The following SH3KBP1 variants were observed in gnomAD, a reference collection of about 807,000 sequenced individuals.
SH3KBP1 encodes SH3 domain containing kinase binding protein 1.
SH3KBP1 carries 8 observed loss-of-function variants against 50.1 expected under a neutral mutation model. The observed-to-expected ratio is 0.16, with a 90% confidence interval of 0.09 to 0.29. The LOEUF (loss-of-function observed/expected upper bound fraction) is 0.29. Ranked by LOEUF, SH3KBP1 falls within the 10% of genes least tolerant of loss-of-function variation. The pLI is 1.00. For missense variants in SH3KBP1, 377 were observed against 535.2 expected, an observed-to-expected ratio of 0.70 and a Z score of 2.92; for synonymous variants, 227 against 218.6, an observed-to-expected ratio of 1.04 and a Z score of -0.34.
intron 2 of SH3KBP1, among the ~76,000 whole-genome samples, chrX:19,833,591 C>T (rs1368426102): frequency 9.3e-6 from 1 of 107,988 alleles, no homozygotes; most frequent in Non-Finnish European, 1.9e-5. Flanking sequence ...CTAGGGTCCT[C>T]CTCCCTCTTT....
chrX:19,859,452 A>G, intron 1 of SH3KBP1, among the ~76,000 whole-genome samples: 1 of 112,246 alleles, frequency 8.9e-6, no homozygotes, highest in Non-Finnish European at 1.9e-5. Context: ...CCAGCCTGAA[A>G]TTACTATTTC....
At chrX:19,643,463 C>A (rs1198734766) in intron 7 of SH3KBP1, among the ~76,000 whole-genome samples, 2 of 107,139 alleles carry the variant, frequency 1.9e-5, no homozygotes, top group Admixed American at 1.0e-4. Context: ...TCTCAAACTC[C>A]TGGGCTCAAG....
intron 12 of SH3KBP1, among the ~76,000 whole-genome samples, chrX:19,570,507 T>C (rs1039192487): frequency 1.8e-5 from 2 of 111,350 alleles, no homozygotes; most frequent in Non-Finnish European, 3.8e-5. Flanking sequence ...CTGGGCCGGA[T>C]ACTACAGGGC....
intron 6 of SH3KBP1, among the ~76,000 whole-genome samples, chrX:19,647,007 T>A (rs1056949027): frequency 3.6e-5 from 4 of 112,332 alleles, no homozygotes; most frequent in African/African-American, 1.3e-4. Flanking sequence ...AAAACTGTTC[T>A]TAGAATTATT....
intron 2 of SH3KBP1, among the ~76,000 whole-genome samples, chrX:19,773,488 C>CACACAA (rs1274999326): frequency 1.4e-4 from 13 of 92,935 alleles, no homozygotes; most frequent in Non-Finnish European, 2.5e-4. Flanking sequence ...CTCTCTCACA[C>CACACAA]ACACAAACAC....
At chrX:19,654,541 A>G (rs2062223327) in intron 6 of SH3KBP1, among the ~76,000 whole-genome samples, 2 of 112,020 alleles carry the variant, frequency 1.8e-5, no homozygotes. Flanking sequence ...ATTTTGTTGT[A>G]GGATCATCTT....
chrX:19,814,203 C>T (rs1037018651), intron 2 of SH3KBP1, among the ~76,000 whole-genome samples: 1 of 111,057 alleles, frequency 9.0e-6, no homozygotes, highest in African/African-American at 3.3e-5. Context: ...GCTGTACTTA[C>T]AGAAATATCC....
rs2148861061 is a variant in SH3KBP1 at position 19,760,536 on chromosome X, ACCC to A, written c.163-14098_163-14096del. ...CAAGTGGGCACCGAGAATTGGACTC[ACCC>A]TGTAACCATGGTTACATGCATCTGG... On this transcript the variant is annotated intron_variant, in intron 2 of 17. Coordinates refer to ENST00000397821, the MANE Select transcript of SH3KBP1 (RefSeq NM_031892.3). 1.8e-5 allele frequency among the ~76,000 whole-genome samples: 2 copies of A among 108,656 alleles called. 1 individual carries two copies. The highest frequency in any genetic ancestry group is 8.4e-4 in the South Asian group (2 of 2,367). The allele number at this position is 108,656 out of a possible 115,157, so 94.4% of individuals were successfully genotyped here. A position where few individuals can be genotyped will look rare whatever the true frequency, so the allele number is the denominator to read the frequency against.
intron 2 of SH3KBP1, among the ~76,000 whole-genome samples, chrX:19,806,028 T>G (rs761729280): frequency 9.0e-6 from 1 of 111,198 alleles, no homozygotes; most frequent in Non-Finnish European, 1.9e-5. Context: ...TGGGAAGGTG[T>G]TTTTCTTCCC....
At chrX:19,769,354 T>A (rs2065717841) in intron 2 of SH3KBP1, among the ~76,000 whole-genome samples, 1 of 110,316 alleles carries the variant, frequency 9.1e-6, no homozygotes, top group South Asian at 3.8e-4. Flanking sequence ...TCCACCCAGT[T>A]TGGCCTCCCA....
At chrX:19,675,897 C>T (rs1435676976) in intron 6 of SH3KBP1, among the ~76,000 whole-genome samples, 2 of 111,892 alleles carry the variant, frequency 1.8e-5, no homozygotes, top group Non-Finnish European at 1.9e-5. Flanking sequence ...GTTTCCCTTT[C>T]CCTACCAACT....
At chrX:19,870,901 G>A (rs756841416) in intron 1 of SH3KBP1, among the ~76,000 whole-genome samples, 4 of 111,631 alleles carry the variant, frequency 3.6e-5, no homozygotes, top group East Asian at 2.8e-4. Flanking sequence ...GCACACCGCC[G>A]TGTCTCCTGT....
At chrX:19,709,928 T>A (rs1354016949) in intron 3 of SH3KBP1, among the ~76,000 whole-genome samples, 1 of 111,688 alleles carries the variant, frequency 9.0e-6, no homozygotes, top group Non-Finnish European at 1.9e-5. Context: ...GGTAAGGAGA[T>A]GACAATGCCA....
chrX:19,833,786 T>C (rs2067983956), intron 2 of SH3KBP1, among the ~76,000 whole-genome samples: 1 of 111,893 alleles, frequency 8.9e-6, no homozygotes, highest in African/African-American at 3.3e-5. Context: ...ATCTTCACTC[T>C]AACCACTGCC....
rs1345753978 is a variant in SH3KBP1, at chrX:19,574,782, C to T, written c.1299-5594G>A. ...TCAACGCTTTTTAAACAAAAAAATT[C>T]TTGCAGATCCCCATGTATATGTCTG... On this transcript the variant is annotated intron_variant, in intron 12 of 17. Coordinates refer to ENST00000397821, the MANE Select transcript of SH3KBP1 (RefSeq NM_031892.3). Among the ~76,000 whole-genome samples the T allele has an allele frequency of 2.7e-5, 3 of 112,287 alleles. No homozygotes were observed. In the Admixed American group the frequency reaches 2.8e-4, roughly 11 times the overall value.
At chrX:19,826,692 T>TAACAC (rs1188543053) in intron 2 of SH3KBP1, among the ~76,000 whole-genome samples, 1 of 71,630 alleles carries the variant, frequency 1.4e-5, no homozygotes, top group Non-Finnish European at 2.6e-5. Context: ...CTAAATAACA[T>TAACAC]AACATAACAT....
At chrX:19,609,232 C>T (rs1363221469) in intron 8 of SH3KBP1, among the ~76,000 whole-genome samples, 2 of 112,052 alleles carry the variant, frequency 1.8e-5, no homozygotes, top group East Asian at 2.8e-4. Flanking sequence ...TCCTCCGAGT[C>T]CAATTCCACT....
chrX:19,887,548 G>C lies in SH3KBP1; in HGVS notation c.-238C>G, dbSNP rs1348220926. 8 of 176,556 alleles carry C rather than the reference G, an allele frequency of 4.5e-5. No individual in the cohort carries two copies. Among genetic ancestry groups the C allele is most frequent in the Non-Finnish European group, 8.0e-5 (8 of 99,908 alleles). 14.6% of individuals were successfully genotyped at this position (176,556 alleles called of 1,213,427 possible). Reference sequence around the variant, plus strand: ...CTCCTGCTGCTGCTGTTGCATCGCGGCCCAATGCGCCCGGCTGCGCCGGGT... The same window carrying C: ...CTCCTGCTGCTGCTGTTGCATCGCGCCCCAATGCGCCCGGCTGCGCCGGGT... On this transcript the variant is annotated 5_prime_UTR_variant, in exon 1 of 18. Transcript: ENST00000397821.
At chrX:19,780,793 A>G (rs2066155869) in intron 2 of SH3KBP1, among the ~76,000 whole-genome samples, 1 of 110,934 alleles carries the variant, frequency 9.0e-6, no homozygotes, top group Non-Finnish European at 1.9e-5. Flanking sequence ...GTTCTGTTCC[A>G]TTGATCTATA....
Sources: gnomAD v4.1 joint callset for allele counts (sites outside exome capture counted in the v4.1 genomes callset) on GRCh38, gnomAD v4.1.1 for gene constraint, MANE v1.5 for transcripts, NCBI Gene and HGNC (gene_info 2026-07-23, HGNC 2026-07-21) for gene names.